The following HCN1 variants were observed in gnomAD, a reference collection of about 807,000 sequenced individuals.
HCN1 encodes hyperpolarization activated cyclic nucleotide gated potassium channel 1, also known as potassium/sodium hyperpolarization-activated cyclic nucleotide-gated channel 1.
Under a neutral mutation model 78.9 loss-of-function variants are expected in HCN1, and 13 were observed. That is an observed-to-expected ratio of 0.16 (90% CI 0.11 to 0.26). The LOEUF (loss-of-function observed/expected upper bound fraction) is 0.26, where lower values mean the gene tolerates loss of function less well. Among genes scored for constraint, HCN1 ranks in the 10% least tolerant of loss-of-function variants. HCN1 has a pLI of 1.00. For missense variants in HCN1, 810 were observed against 1,154.3 expected (o/e 0.70, Z 4.32); for synonymous variants, 552 against 455.5 (o/e 1.21, Z -2.70).
At chr5:45,658,372 G>T (rs1015139964) in intron 1 of HCN1, among the ~76,000 whole-genome samples, 2 of 152,214 alleles carry the variant, frequency 1.3e-5, no homozygotes. Context: ...GGTAATGAAA[G>T]TCAGAATTGA....
chr5:45,375,101 T>TA (rs1271070780), intron 4 of HCN1, among the ~76,000 whole-genome samples: 12 of 125,442 alleles, frequency 9.6e-5, no homozygotes, highest in Non-Finnish European at 6.4e-5. Context: ...TAATATAATA[T>TA]TTTATAATAT....
rs550603639 is a variant in HCN1 at position 45,494,411 on chromosome 5, T to C, written c.850-32404A>G. Among the ~76,000 whole-genome samples the C allele has an allele frequency of 2.0e-5, 3 of 152,218 alleles. No individual in the cohort carries two copies. In the East Asian group the frequency reaches 5.8e-4, roughly 29 times the overall value. ...CATAAATGTCTTCTTTTGAGAAGTG[T>C]CTGTTCATGTCCTTCGCCCACTTTT... On this transcript the variant is annotated intron_variant, in intron 2 of 7. Transcript: ENST00000303230.
chr5:45,506,544 C>T (rs1742305645), intron 2 of HCN1, among the ~76,000 whole-genome samples: 1 of 151,896 alleles, frequency 6.6e-6, no homozygotes, highest in East Asian at 1.9e-4. Context: ...AACACAAATG[C>T]AAACTGGGTT....
At chr5:45,470,438 C>T (rs1049028250) in intron 2 of HCN1, among the ~76,000 whole-genome samples, 1 of 151,824 alleles carries the variant, frequency 6.6e-6, no homozygotes, top group Non-Finnish European at 1.5e-5. Flanking sequence ...AATAAGGAAG[C>T]ATTGGCAAAT....
chr5:45,569,641 A>T (rs886442908), intron 2 of HCN1, among the ~76,000 whole-genome samples: 1 of 152,096 alleles, frequency 6.6e-6, no homozygotes, highest in Admixed American at 6.6e-5. Context: ...CAACTAATAC[A>T]AGATTTATTT....
At chr5:45,300,593 C>A (rs1194536202) in intron 6 of HCN1, among the ~76,000 whole-genome samples, 1 of 151,894 alleles carries the variant, frequency 6.6e-6, no homozygotes, top group African/African-American at 2.4e-5. Context: ...ATGTTTTAAT[C>A]AACTATTTGT....
intron 3 of HCN1, among the ~76,000 whole-genome samples, chr5:45,430,334 T>C (rs548500500): frequency 3.9e-5 from 6 of 152,240 alleles, no homozygotes; most frequent in African/African-American, 9.6e-5. Flanking sequence ...GTTTGTTATA[T>C]AGGTAAACTG....
At chr5:45,518,974 T>C (rs556231612) in intron 2 of HCN1, among the ~76,000 whole-genome samples, 39 of 151,786 alleles carry the variant, frequency 2.6e-4, no homozygotes, top group African/African-American at 9.4e-4. Flanking sequence ...TATATATACA[T>C]AAATATATAA....
chr5:45,453,862 C>A (rs1197283553), intron 3 of HCN1, among the ~76,000 whole-genome samples: 1 of 152,116 alleles, frequency 6.6e-6, no homozygotes, highest in Non-Finnish European at 1.5e-5. Context: ...CTAAGTCTAG[C>A]AAATTAATCA....
intron 4 of HCN1, among the ~76,000 whole-genome samples, chr5:45,374,422 C>T (rs929487010): frequency 3.8e-4 from 56 of 147,198 alleles, no homozygotes; most frequent in African/African-American, 1.4e-3. Flanking sequence ...AATTCCTGAA[C>T]ACATACAACC....
chr5:45,681,218 G>A (rs560800187), intron 1 of HCN1, among the ~76,000 whole-genome samples: 14 of 152,136 alleles, frequency 9.2e-5, no homozygotes, highest in Admixed American at 2.0e-4. Context: ...AACACATAGC[G>A]CAAAATCAGG....
intron 6 of HCN1, among the ~76,000 whole-genome samples, chr5:45,302,571 G>A (rs910320186): frequency 6.6e-6 from 1 of 151,718 alleles, no homozygotes; most frequent in African/African-American, 2.4e-5. Context: ...AATAGTCTTT[G>A]ACCCAGTAAA....
At chr5:45,384,434 A>G (rs936589959) in intron 4 of HCN1, among the ~76,000 whole-genome samples, 14 of 152,204 alleles carry the variant, frequency 9.2e-5, no homozygotes, top group Non-Finnish European at 1.8e-4. Flanking sequence ...TTTCTAAAGT[A>G]TAACTTCACT....
At chr5:45,470,095 T>G (rs1232947491) in intron 2 of HCN1, among the ~76,000 whole-genome samples, 1 of 152,044 alleles carries the variant, frequency 6.6e-6, no homozygotes, top group Non-Finnish European at 1.5e-5. Context: ...CAAAGCTTAT[T>G]CATAATTTTT....
At chr5:45,312,982 C>T (rs1039177709) in intron 5 of HCN1, among the ~76,000 whole-genome samples, 5 of 152,158 alleles carry the variant, frequency 3.3e-5, no homozygotes, top group Non-Finnish European at 7.3e-5. Flanking sequence ...CCTCTGCAGA[C>T]TTAAATGTCC....
At chr5:45,263,355 C>CA (rs368525608) in intron 7 of HCN1, among the ~76,000 whole-genome samples, 1,578 of 146,512 alleles carry the variant, frequency 0.011, 14 homozygotes, top group African/African-American at 0.031. Context: ...CCCAGGAAAA[C>CA]AAAAAAAAAA....
chr5:45,430,995 GT>G (rs1740451391), intron 3 of HCN1, among the ~76,000 whole-genome samples: 1 of 152,036 alleles, frequency 6.6e-6, no homozygotes, highest in African/African-American at 2.4e-5. Context: ...TTATAATCTT[GT>G]TTTAAGTTCT....
intron 3 of HCN1, among the ~76,000 whole-genome samples, chr5:45,439,889 A>G (rs1274454762): frequency 2.0e-5 from 3 of 150,732 alleles, no homozygotes; most frequent in African/African-American, 4.9e-5. Context: ...TTGATAAAAT[A>G]TTATATAGAA....
intron 2 of HCN1, among the ~76,000 whole-genome samples, chr5:45,467,140 A>G (rs1389118881): frequency 6.6e-6 from 1 of 151,788 alleles, no homozygotes; most frequent in African/African-American, 2.4e-5. Flanking sequence ...ACCCTCAGCC[A>G]CCTCACGAAA....
Sources: gnomAD v4.1 joint callset for allele counts (sites outside exome capture counted in the v4.1 genomes callset) on GRCh38, gnomAD v4.1.1 for gene constraint, MANE v1.5 for transcripts, NCBI Gene and HGNC (gene_info 2026-07-23, HGNC 2026-07-21) for gene names.